Variants in LRRC4C observed in about 807,000 individuals in gnomAD.
The protein encoded by LRRC4C is leucine-rich repeat-containing protein 4C.
Under a neutral mutation model 33.6 loss-of-function variants are expected in LRRC4C, and 5 were observed. That is an observed-to-expected ratio of 0.15 (90% CI 0.08 to 0.31). LRRC4C has a LOEUF of 0.31. Ranked by LOEUF, LRRC4C falls within the 10% of genes least tolerant of loss-of-function variation. The pLI, the probability that LRRC4C is intolerant of heterozygous loss-of-function variation, is 1.00. For synonymous variants in LRRC4C, 329 were observed against 302.0 expected (o/e 1.09, Z -0.93); for missense variants, 560 against 796.7 (o/e 0.70, Z 3.58).
At chr11:41,448,143 G>GTTTTTTTTTTTT (rs1955895236) in intron 1 of LRRC4C, among the ~76,000 whole-genome samples, 2 of 19,172 alleles carry the variant, frequency 1.0e-4, no homozygotes, top group African/African-American at 4.3e-4. Flanking sequence ...TTTTTTTTTT[G>GTTTTTTTTTTTT]GAGCTTTACT....
intron 1 of LRRC4C, among the ~76,000 whole-genome samples, chr11:41,285,754 A>G (rs1167106059): frequency 1.3e-5 from 2 of 152,160 alleles, no homozygotes; most frequent in African/African-American, 4.8e-5. Flanking sequence ...AGACTAAATT[A>G]TGCAACTGGT....
At chr11:40,937,585 C>A (rs1219335377) in intron 1 of LRRC4C, among the ~76,000 whole-genome samples, 2 of 147,862 alleles carry the variant, frequency 1.4e-5, no homozygotes, top group African/African-American at 2.6e-5. Context: ...ATAATTCACT[C>A]TTCTTGAGTG....
chr11:40,462,508 TA>T (rs59337157), intron 3 of LRRC4C, among the ~76,000 whole-genome samples: 6,178 of 152,118 alleles, frequency 0.041, 403 homozygotes, highest in African/African-American at 0.14. Context: ...CATTGAGTCT[TA>T]ACTTAGAGGC....
chr11:41,320,055 G>A (rs1950912894), intron 1 of LRRC4C, among the ~76,000 whole-genome samples: 1 of 151,984 alleles, frequency 6.6e-6, no homozygotes. Flanking sequence ...AAAAAGTATA[G>A]AATTTTGACT....
chr11:40,336,752 A>G (rs559297895), intron 3 of LRRC4C, among the ~76,000 whole-genome samples: 7 of 152,186 alleles, frequency 4.6e-5, no homozygotes, highest in Middle Eastern at 3.4e-3. Flanking sequence ...CAAGATGGGC[A>G]GATAGCGAGG....
intron 3 of LRRC4C, among the ~76,000 whole-genome samples, chr11:40,396,310 G>A (rs1949539877): frequency 2.0e-5 from 3 of 151,954 alleles, no homozygotes; most frequent in Non-Finnish European, 1.5e-5. Flanking sequence ...GTTCAACAGT[G>A]CACAGTCAGT....
intron 3 of LRRC4C, among the ~76,000 whole-genome samples, chr11:40,566,163 G>T (rs1957760752): frequency 7.8e-6 from 1 of 128,152 alleles, no homozygotes; most frequent in Non-Finnish European, 1.6e-5. Flanking sequence ...TCACTGGAAT[G>T]ACTGGAGAAG....
At chr11:40,393,041 G>A (rs756542006) in intron 3 of LRRC4C, among the ~76,000 whole-genome samples, 16 of 151,996 alleles carry the variant, frequency 1.1e-4, no homozygotes, top group Admixed American at 2.6e-4. Flanking sequence ...GGCTGAAACA[G>A]CAGAGCAAAA....
chr11:41,272,088 G>A (rs1406376139), intron 1 of LRRC4C, among the ~76,000 whole-genome samples: 1 of 152,120 alleles, frequency 6.6e-6, no homozygotes, highest in African/African-American at 2.4e-5. Context: ...GGAAAAAAAG[G>A]AAAGGAAGTT....
chr11:40,738,821 T>A (rs898627731), intron 2 of LRRC4C, among the ~76,000 whole-genome samples: 4 of 152,160 alleles, frequency 2.6e-5, no homozygotes, highest in African/African-American at 9.6e-5. Context: ...TTATTCTTAT[T>A]GGCTGAATAA....
chr11:40,862,594 A>G (rs149863003), intron 2 of LRRC4C, among the ~76,000 whole-genome samples: 66 of 152,352 alleles, frequency 4.3e-4, no homozygotes, highest in African/African-American at 1.6e-3. Context: ...ATAGAAACAC[A>G]AAGTGTTTCT....
At chr11:40,857,655 C>T (rs183267765) in intron 2 of LRRC4C, among the ~76,000 whole-genome samples, 3 of 152,194 alleles carry the variant, frequency 2.0e-5, no homozygotes, top group Admixed American at 1.3e-4. Flanking sequence ...TGGTTCATGC[C>T]CATAATCCTA....
chr11:40,322,312 C>G (rs1179402596), intron 3 of LRRC4C, among the ~76,000 whole-genome samples: 1 of 152,024 alleles, frequency 6.6e-6, no homozygotes, highest in African/African-American at 2.4e-5. Context: ...GTGGTGCGAT[C>G]TCAGCTCACT....
Position 40,806,257 on chromosome 11 carries a change from G to C in LRRC4C, c.-407+127378C>G, listed in dbSNP as rs144425758. Among the ~76,000 whole-genome samples, 18 of 152,288 alleles carry C rather than the reference G, an allele frequency of 1.2e-4. No individual in the cohort carries two copies. The East Asian group carries it at 3.3e-3, about 28-fold the overall frequency. ...TATGTCTGGAGCTTGGGATGAGAAG[G>C]CTCAAATAGCAGAGAGACAGAAGAG... On this transcript the variant is annotated intron_variant, in intron 2 of 6. Transcript: ENST00000528697.
chr11:40,680,518 A>G (rs1471603524), intron 2 of LRRC4C, among the ~76,000 whole-genome samples: 2 of 152,138 alleles, frequency 1.3e-5, no homozygotes, highest in African/African-American at 2.4e-5. Flanking sequence ...AGATGATTGA[A>G]TCTTGGAGGC....
chr11:40,256,907 C>A (rs2136223163), intron 4 of LRRC4C, among the ~76,000 whole-genome samples: 1 of 152,282 alleles, frequency 6.6e-6, no homozygotes, highest in Non-Finnish European at 1.5e-5. Flanking sequence ...AAGGAGGAAT[C>A]CATTTATGTC....
chr11:40,318,990 A>C (rs899709553), intron 4 of LRRC4C, among the ~76,000 whole-genome samples: 1 of 152,176 alleles, frequency 6.6e-6, no homozygotes, highest in Admixed American at 6.5e-5. Context: ...ATTACCCAGG[A>C]GAAATTATCT....
chr11:41,315,789 T>C (rs1049029336), intron 1 of LRRC4C, among the ~76,000 whole-genome samples: 3 of 152,212 alleles, frequency 2.0e-5, no homozygotes, highest in Admixed American at 1.3e-4. Context: ...CAAACCTATA[T>C]AGATAGTCAT....
At chr11:40,405,183 C>T (rs886253480) in intron 3 of LRRC4C, among the ~76,000 whole-genome samples, 1 of 151,604 alleles carries the variant, frequency 6.6e-6, no homozygotes, top group African/African-American at 2.4e-5. Flanking sequence ...TGAGCTCATG[C>T]AATATTTTTC....
Sources: allele counts gnomAD v4.1 joint callset (sites outside exome capture counted in the v4.1 genomes callset), GRCh38; gene constraint gnomAD v4.1.1; transcripts MANE v1.5; gene names NCBI Gene and HGNC (gene_info 2026-07-23, HGNC 2026-07-21).